Variants in VPS8 observed in about 807,000 individuals in gnomAD.
VPS8 encodes vacuolar protein sorting-associated protein 8 homolog.
In VPS8, 129 loss-of-function variants were observed where a neutral mutation model predicts 216.4. That is an observed-to-expected ratio of 0.60 (90% CI 0.52 to 0.69). VPS8 has a LOEUF of 0.69. Among genes scored for constraint, VPS8 ranks in the 30% least tolerant of loss-of-function variants. The pLI is 0.00. For synonymous variants in VPS8, 571 were observed against 565.4 expected (o/e 1.01, Z -0.14); for missense variants, 1,531 against 1,683.5 (o/e 0.91, Z 1.59).
chr3:184,862,920 G>A lies in VPS8; in HGVS notation c.1248G>A (p.Val416=). The A allele has an allele frequency of 1.2e-6, 2 of 1,613,570 alleles. No homozygotes were observed. The highest frequency in any genetic ancestry group is 8.5e-7 in the Non-Finnish European group (1 of 1,179,634). The change falls in exon 16 of 48, where the codon GTG becomes GTA. Residue 416 remains valine (V), a synonymous_variant. Transcript: ENST00000625842. ...NFTWINSRTV[V]LLDSVEKLHV... ...AGTGGATAAATTCACGCACAGTTGT[G>A]CTCTTAGACAGCGTAGAGAAGTTGC...
At chr3:185,048,257 G>A (rs1713383052) in intron 46 of VPS8, among the ~76,000 whole-genome samples, 1 of 152,218 alleles carries the variant, frequency 6.6e-6, no homozygotes, top group Non-Finnish European at 1.5e-5. Flanking sequence ...TTGGGAAAAG[G>A]GTCCACAGAC....
chr3:184,927,850 A>T (rs1560720168), intron 31 of VPS8, among the ~76,000 whole-genome samples: 1 of 152,088 alleles, frequency 6.6e-6, no homozygotes, highest in Non-Finnish European at 1.5e-5. Flanking sequence ...AGCTTATTTC[A>T]CTTGGCAGAA....
At chr3:184,898,822 A>G (rs1345670566) in intron 24 of VPS8, among the ~76,000 whole-genome samples, 168 bp downstream of exon 24, 2 of 152,132 alleles carry the variant, frequency 1.3e-5, no homozygotes, top group African/African-American at 4.8e-5. Flanking sequence ...ATAGTCTTCA[A>G]TTTTATACCT....
chr3:184,889,764 G>C (rs904709497), intron 22 of VPS8, among the ~76,000 whole-genome samples: 1 of 152,040 alleles, frequency 6.6e-6, no homozygotes, highest in Non-Finnish European at 1.5e-5. Flanking sequence ...TTTGTTCTAG[G>C]TCTGTGTTGT....
At chr3:184,935,392 G>A (rs2109279082) in intron 34 of VPS8, among the ~76,000 whole-genome samples, 1 of 152,264 alleles carries the variant, frequency 6.6e-6, no homozygotes, top group East Asian at 1.9e-4. Flanking sequence ...ACAGTTATTT[G>A]TGGCAGCTAA....
Position 184,926,634 on chromosome 3 carries a change from ACT to A in VPS8, c.2618_2619del (p.Ser873Ter). On this transcript the variant is annotated frameshift_variant, in exon 31 of 48. Coordinates refer to ENST00000625842, the MANE Select transcript of VPS8 (RefSeq NM_001009921.3). LOFTEE classifies it high-confidence loss of function. ...TGTAGTCCTGACGATGACTCCCGAC[ACT>A]CTGAAAGACAGCAGGTATGAACTAC... 2 of 1,605,494 alleles carry A rather than the reference ACT, an allele frequency of 1.2e-6. No homozygotes were observed. Among genetic ancestry groups the A allele is most frequent in the East Asian group, 2.2e-5 (1 of 44,690 alleles).
At chr3:184,895,800 A>C (rs1733360520) in intron 23 of VPS8, among the ~76,000 whole-genome samples, 1 of 148,728 alleles carries the variant, frequency 6.7e-6, no homozygotes, top group Admixed American at 6.7e-5. Flanking sequence ...TGCCCAGCTA[A>C]TTTTTGTATT....
intron 29 of VPS8, among the ~76,000 whole-genome samples, chr3:184,922,905 A>T (rs1738894162): frequency 1.3e-5 from 2 of 151,882 alleles, no homozygotes; most frequent in Non-Finnish European, 2.9e-5. Context: ...CTTTTGTAGG[A>T]TAATAACCAA....
chr3:184,930,831 A>G (rs1684513358), intron 34 of VPS8, among the ~76,000 whole-genome samples: 1 of 152,212 alleles, frequency 6.6e-6, no homozygotes, highest in Admixed American at 6.5e-5. Context: ...CAAAGTTCAT[A>G]GAATGATTCT....
At chr3:185,027,130 G>C (rs193093085) in intron 46 of VPS8, among the ~76,000 whole-genome samples, 1 of 151,810 alleles carries the variant, frequency 6.6e-6, no homozygotes, top group South Asian at 2.1e-4. Context: ...GATAGTTACC[G>C]AACACCTTGA....
chr3:184,929,465 T>C, intron 32 of VPS8, 115 bp from the exon 33 acceptor site: 1 of 645,438 alleles, frequency 1.5e-6, no homozygotes, highest in Non-Finnish European at 2.7e-6. Context: ...GCTTGGATTA[T>C]AAGCATGAGC....
chr3:184,971,823 C>T (rs951647488), intron 40 of VPS8, 71 bp downstream of exon 40: 4 of 1,331,768 alleles, frequency 3.0e-6, no homozygotes, highest in Admixed American at 1.9e-5. Flanking sequence ...GTCTGTAATC[C>T]CAGCACTTTG....
intron 45 of VPS8, among the ~76,000 whole-genome samples, chr3:185,019,183 G>A (rs1756276369): frequency 6.6e-6 from 1 of 152,026 alleles, no homozygotes; most frequent in Admixed American, 6.6e-5. Context: ...ACTCACCATG[G>A]GGATTGCTTA....
intron 45 of VPS8, among the ~76,000 whole-genome samples, chr3:185,007,115 A>C (rs1014344202): frequency 6.6e-6 from 1 of 152,228 alleles, no homozygotes; most frequent in Non-Finnish European, 1.5e-5. Context: ...TCTCTGGAAT[A>C]AGCACTTTTA....
chr3:184,865,005 T>C (rs1360373944), intron 16 of VPS8, among the ~76,000 whole-genome samples: 1 of 152,154 alleles, frequency 6.6e-6, no homozygotes, highest in Non-Finnish European at 1.5e-5. Context: ...ATCAGACTTC[T>C]AGAGATGAAA....
chr3:184,914,506 C>T (rs1737157084), intron 26 of VPS8, among the ~76,000 whole-genome samples: 2 of 152,078 alleles, frequency 1.3e-5, no homozygotes, highest in South Asian at 2.1e-4. Flanking sequence ...TCTAATTCTC[C>T]CCGGTTTGTC....
intron 3 of VPS8, among the ~76,000 whole-genome samples, chr3:184,831,529 GTT>G (rs1199169424): frequency 6.6e-6 from 1 of 152,204 alleles, no homozygotes; most frequent in Non-Finnish European, 1.5e-5. Flanking sequence ...GTTCTCTGAT[GTT>G]TGTCACTCAG....
At chr3:185,020,469 CTTTTT>C (rs577443262) in intron 45 of VPS8, among the ~76,000 whole-genome samples, 2 of 130,926 alleles carry the variant, frequency 1.5e-5, no homozygotes, top group Non-Finnish European at 3.3e-5. Flanking sequence ...AAAATTAAGG[CTTTTT>C]TTTTTTTTTT....
intron 45 of VPS8, among the ~76,000 whole-genome samples, chr3:185,001,903 C>T (rs568477123): frequency 3.9e-5 from 6 of 152,246 alleles, no homozygotes; most frequent in African/African-American, 1.4e-4. Context: ...TATTATACCA[C>T]AAGTACTTAC....
Sources: gnomAD v4.1 joint callset for allele counts (sites outside exome capture counted in the v4.1 genomes callset) on GRCh38, gnomAD v4.1.1 for gene constraint, MANE v1.5 for transcripts, NCBI Gene and HGNC (gene_info 2026-07-23, HGNC 2026-07-21) for gene names.